Variants in BTBD3 observed in about 807,000 individuals in gnomAD.
The protein encoded by BTBD3 is BTB/POZ domain-containing protein 3.
In BTBD3, 14 loss-of-function variants were observed where a neutral mutation model predicts 41.6. That is an observed-to-expected ratio of 0.34 (90% CI 0.22 to 0.53). BTBD3 has a LOEUF of 0.53. BTBD3 is among the 20% of genes least tolerant of loss of function. BTBD3 has a pLI of 0.95. For synonymous variants in BTBD3, 249 were observed against 233.7 expected, an observed-to-expected ratio of 1.07 and a Z score of -0.60; for missense variants, 426 against 654.7, an observed-to-expected ratio of 0.65 and a Z score of 3.81.
upstream of BTBD3, among the ~76,000 whole-genome samples, chr20:11,915,871 G>GAAAA (rs2056914877): frequency 6.6e-6 from 1 of 151,988 alleles, no homozygotes; most frequent in Admixed American, 6.6e-5. Context: ...CTACAATATT[G>GAAAA]CATACTTCTC....
chr20:11,892,846 C>A (rs1194304894), intron 1 of BTBD3, among the ~76,000 whole-genome samples: 1 of 152,182 alleles, frequency 6.6e-6, no homozygotes, highest in African/African-American at 2.4e-5. Context: ...AACTCCACAT[C>A]TGTGCGGAAA....
At chr20:11,895,572 T>C (rs142003695) in intron 1 of BTBD3, among the ~76,000 whole-genome samples, 2 of 151,514 alleles carry the variant, frequency 1.3e-5, no homozygotes, top group African/African-American at 4.9e-5. Flanking sequence ...GTTCCAGTGT[T>C]CATGGAGGAA....
intron 1 of BTBD3, among the ~76,000 whole-genome samples, chr20:11,898,162 CAAAT>C (rs1035114216): frequency 3.9e-5 from 6 of 152,058 alleles, no homozygotes; most frequent in African/African-American, 1.2e-4. Flanking sequence ...ATTCTGTCTA[CAAAT>C]AAATAAATAA....
intron 1 of BTBD3, among the ~76,000 whole-genome samples, chr20:11,912,316 G>T (rs751869810): frequency 5.3e-5 from 8 of 152,182 alleles, no homozygotes; most frequent in Non-Finnish European, 1.2e-4. Flanking sequence ...CCAACAGGTG[G>T]CCTCATGGAG....
intron 1 of BTBD3, among the ~76,000 whole-genome samples, chr20:11,899,007 A>G (rs972640358): frequency 1.3e-5 from 2 of 152,216 alleles, no homozygotes; most frequent in Non-Finnish European, 2.9e-5. Context: ...TTTTCAAAAC[A>G]TACCTGGGTT....
At chr20:11,898,522 A>G (rs2056804209) in intron 1 of BTBD3, among the ~76,000 whole-genome samples, 1 of 152,104 alleles carries the variant, frequency 6.6e-6, no homozygotes, top group Non-Finnish European at 1.5e-5. Flanking sequence ...TTATTTGTCT[A>G]TTTTGTGAAT....
intron 1 of BTBD3, among the ~76,000 whole-genome samples, chr20:11,896,069 CG>C (rs1568606961): frequency 2.6e-5 from 4 of 152,090 alleles, no homozygotes; most frequent in African/African-American, 9.7e-5. Context: ...CTGGAAGGCT[CG>C]GAAGATGAAT....
intron 1 of BTBD3, among the ~76,000 whole-genome samples, chr20:11,895,724 AGG>A (rs2056782861): frequency 1.3e-5 from 2 of 152,200 alleles, no homozygotes; most frequent in African/African-American, 4.8e-5. Flanking sequence ...GTCTACAGTG[AGG>A]AGGTGGGGAA....
At chr20:11,914,174 C>T (rs2056904679), upstream of BTBD3, among the ~76,000 whole-genome samples, 1 of 152,134 alleles carries the variant, frequency 6.6e-6, no homozygotes, top group African/African-American at 2.4e-5. Flanking sequence ...CATCAGGCTG[C>T]TATCCTTTTT....
chr20:11,916,004 A>C (rs950293098), upstream of BTBD3, among the ~76,000 whole-genome samples: 1 of 151,862 alleles, frequency 6.6e-6, no homozygotes, highest in African/African-American at 2.4e-5. Context: ...AAGATCACAA[A>C]CCCTTCTAAG....
upstream of BTBD3, among the ~76,000 whole-genome samples, chr20:11,917,608 G>C (rs1024703899): frequency 1.3e-5 from 2 of 152,130 alleles, no homozygotes; most frequent in African/African-American, 4.8e-5. Context: ...AATTGATCCT[G>C]CTTAACTGGG....
chr20:11,917,513 G>A (rs1285483874), upstream of BTBD3, among the ~76,000 whole-genome samples: 2 of 152,136 alleles, frequency 1.3e-5, no homozygotes, highest in African/African-American at 4.8e-5. Context: ...ATAGACTGGA[G>A]GATTTTGTTT....
intron 3 of BTBD3, among the ~76,000 whole-genome samples, chr20:11,920,575 G>A (rs979372184): frequency 3.9e-5 from 6 of 152,174 alleles, no homozygotes; most frequent in Non-Finnish European, 8.8e-5. Context: ...TGTTAAACAG[G>A]TTATAGAATC....
At chr20:11,908,499 T>C (rs1286293985) in intron 1 of BTBD3, among the ~76,000 whole-genome samples, 1 of 151,964 alleles carries the variant, frequency 6.6e-6, no homozygotes, top group African/African-American at 2.4e-5. Context: ...TTTAAGAACA[T>C]GTTTTCATGA....
At chr20:11,894,695 AC>A (rs1288273400) in intron 1 of BTBD3, among the ~76,000 whole-genome samples, 1 of 151,868 alleles carries the variant, frequency 6.6e-6, no homozygotes, top group Non-Finnish European at 1.5e-5. Context: ...GCGTTTTTCA[AC>A]CAATAAAATA....
intron 1 of BTBD3, among the ~76,000 whole-genome samples, chr20:11,902,836 T>C (rs924811064): frequency 6.6e-6 from 1 of 152,228 alleles, no homozygotes; most frequent in African/African-American, 2.4e-5. Flanking sequence ...TGTGTATGTT[T>C]TATGGTAGTA....
In BTBD3 at chr20:11,923,054, G is replaced by A. The variant is rs768090540; in HGVS notation, c.957G>A (p.Leu319=). The stretch of plus-strand genomic sequence containing the variant: ...AGGTTCTAGGAAAGGCACTTTACTT[G>A]ATCCGCATACCCACAATGGCCCTCG... The part of the protein sequence containing the change: ...KRKVLGKALY[L]IRIPTMALDD... Residue 319 remains leucine (L), a synonymous_variant, in exon 4 of 4, where the codon TTG becomes TTA. Coordinates refer to ENST00000378226, the MANE Select transcript of BTBD3 (RefSeq NM_014962.4). This position sits in a 1 kb window ranked among gnomAD's most constrained non-coding sequence, Gnocchi z 5.3. 4.3e-6 allele frequency: 7 copies of A among 1,614,074 alleles called. 1 individual carries two copies. The highest frequency in any genetic ancestry group is 4.5e-5 in the East Asian group (2 of 44,886).
In BTBD3 at chr20:11,925,223, C is replaced by T. The variant is rs189993070; in HGVS notation, c.*1557C>T. ...GTGTGTGTGTGCCTGCGCACCCATG[C>T]GCATGCAAGTGTGTTTGCCAGCTCA... is the stretch of plus-strand genomic sequence containing the variant. On this transcript the variant is annotated 3_prime_UTR_variant, in exon 4 of 4. Transcript: ENST00000378226. 68 of 152,782 alleles carry T rather than the reference C, an allele frequency of 4.5e-4. 1 individual carries two copies. Among genetic ancestry groups the T allele is most frequent in the Admixed American group, 1.8e-3 (27 of 15,302 alleles). 9.5% of individuals were successfully genotyped at this position (152,782 alleles called of 1,614,324 possible). A position where few individuals can be genotyped will look rare whatever the true frequency, so the allele number is the denominator to read the frequency against.
Position 11,924,980 on chromosome 20 carries a change from C to T in BTBD3, c.*1314C>T, listed in dbSNP as rs568083261. On this transcript the variant is annotated 3_prime_UTR_variant, in exon 4 of 4. Coordinates refer to ENST00000378226, the MANE Select transcript of BTBD3 (RefSeq NM_014962.4). ...GGGAAAAACTTATTAAATTCTCCTT[C>T]GCTGCTGGCTTGTGCTGGTTTAGTG... The T allele has an allele frequency of 2.0e-5, 3 of 152,784 alleles. No homozygotes were observed. The highest frequency in any genetic ancestry group is 2.4e-5 in the African/African-American group (1 of 41,582). The allele number at this position is 152,784 out of a possible 1,614,324, so 9.5% of individuals were successfully genotyped here.
Sources: allele counts gnomAD v4.1 joint callset (sites outside exome capture counted in the v4.1 genomes callset), GRCh38; gene constraint gnomAD v4.1.1; non-coding constraint Gnocchi (gnomAD v3.1); transcripts MANE v1.5; gene names NCBI Gene and HGNC (gene_info 2026-07-23, HGNC 2026-07-21).